GPC1: variants seen among roughly 807,000 people sequenced by gnomAD.
GPC1 encodes the protein glypican 1, also known as glypican-1.
A neutral mutation model predicts 51.5 loss-of-function variants in GPC1; 26 were observed. That is an observed-to-expected ratio of 0.50 (90% CI 0.37 to 0.70). The LOEUF is 0.70. GPC1 is among the 30% of genes least tolerant of loss of function. GPC1 has a pLI of 0.00. For synonymous variants in GPC1, 380 were observed against 348.3 expected (o/e 1.09, Z -1.01); for missense variants, 775 against 800.5 (o/e 0.97, Z 0.38).
chr2:240,437,017 T>A (rs2073988514), intron 1 of GPC1, among the ~76,000 whole-genome samples: 1 of 152,232 alleles, frequency 6.6e-6, no homozygotes, highest in Admixed American at 6.5e-5. Flanking sequence ...AAGCTTCACC[T>A]TTCCACGTGT....
At chr2:240,436,405 C>G (rs2151783878) in intron 1 of GPC1, among the ~76,000 whole-genome samples, 1 of 152,160 alleles carries the variant, frequency 6.6e-6, no homozygotes, top group African/African-American at 2.4e-5. Context: ...CCTCCCGGGC[C>G]ACGGCTGGAG....
chr2:240,446,851 G>A (rs1350342667), intron 1 of GPC1, among the ~76,000 whole-genome samples: 1 of 152,202 alleles, frequency 6.6e-6, no homozygotes, highest in East Asian at 1.9e-4. Flanking sequence ...GGACGGAGAG[G>A]GGACCAGGGT....
chr2:240,442,046 C>T (rs1386722631), intron 1 of GPC1, among the ~76,000 whole-genome samples: 1 of 152,176 alleles, frequency 6.6e-6, no homozygotes, highest in East Asian at 1.9e-4. Flanking sequence ...CACACCATCC[C>T]CTCTCCTGCC....
At chr2:240,436,854 G>C (rs1291962683) in intron 1 of GPC1, among the ~76,000 whole-genome samples, 1 of 152,270 alleles carries the variant, frequency 6.6e-6, no homozygotes, top group Non-Finnish European at 1.5e-5. Flanking sequence ...TCATTTCTTT[G>C]TAAGAACAGC....
chr2:240,441,648 G>A (rs1050885894), intron 1 of GPC1, among the ~76,000 whole-genome samples: 1 of 152,186 alleles, frequency 6.6e-6, no homozygotes, highest in Non-Finnish European at 1.5e-5. Context: ...GACAGGAGCC[G>A]CCTGCCCGGA....
At chr2:240,441,220 G>A (rs1405245113) in intron 1 of GPC1, among the ~76,000 whole-genome samples, 1 of 152,264 alleles carries the variant, frequency 6.6e-6, no homozygotes, top group African/African-American at 2.4e-5. Context: ...AGACCTCGGA[G>A]GAGAGCTTAG....
intron 1 of GPC1, among the ~76,000 whole-genome samples, chr2:240,439,958 GC>G (rs1429514912): frequency 6.6e-6 from 1 of 152,214 alleles, no homozygotes; most frequent in African/African-American, 2.4e-5. Flanking sequence ...CTGCTGGACC[GC>G]CAAGCCTCCC....
chr2:240,466,445 G>A lies in GPC1; in HGVS notation c.*155G>A. The A allele has an allele frequency of 1.7e-6, 1 of 590,624 alleles. No homozygotes were observed. The highest frequency in any genetic ancestry group is 3.0e-6 in the Non-Finnish European group (1 of 329,478). 36.6% of individuals were successfully genotyped at this position (590,624 alleles called of 1,614,324 possible). On this transcript the variant is annotated 3_prime_UTR_variant, in exon 9 of 9. Transcript: ENST00000264039. ...GGCAGGCGCAGAGGTCCCAGCCCCA[G>A]GCCTGGCCTCGCCTGCCTTTCTGCC...
At chr2:240,454,577 G>T (rs75749750) in intron 1 of GPC1, among the ~76,000 whole-genome samples, 1 of 152,234 alleles carries the variant, frequency 6.6e-6, no homozygotes, top group Non-Finnish European at 1.5e-5. Context: ...TTGCGTGTTG[G>T]GGGGCTGCGG....
chr2:240,457,914 C>G (rs13390118), intron 1 of GPC1: 58,394 of 382,482 alleles, frequency 0.15, 5,216 homozygotes, highest in Middle Eastern at 0.31. Flanking sequence ...ACAACGCCCC[C>G]CCTTGACCCC....
At chr2:240,442,020 A>G (rs2074020395) in intron 1 of GPC1, among the ~76,000 whole-genome samples, 1 of 152,106 alleles carries the variant, frequency 6.6e-6, no homozygotes, top group Non-Finnish European at 1.5e-5. Flanking sequence ...AGCCCCTGAG[A>G]GGGCCAGGCC....
At chr2:240,437,110 C>T (rs568441851) in intron 1 of GPC1, among the ~76,000 whole-genome samples, 2 of 152,338 alleles carry the variant, frequency 1.3e-5, no homozygotes, top group South Asian at 2.1e-4. Context: ...CTGGGGGGCT[C>T]CTCTGAAACC....
chr2:240,466,675 C>T lies in GPC1; in HGVS notation c.*385C>T. ...CAGCGAGCCTGTGCCTTCCTCCCCG[C>T]CTCCTCCCACTGGGACTCCCAGCAG... is the stretch of plus-strand genomic sequence containing the variant. On this transcript the variant is annotated 3_prime_UTR_variant, in exon 9 of 9. Coordinates refer to ENST00000264039, the MANE Select transcript of GPC1 (RefSeq NM_002081.3). The T allele has an allele frequency of 5.2e-6, 1 of 193,060 alleles. No individual in the cohort carries two copies. Among genetic ancestry groups the T allele is most frequent in the Non-Finnish European group, 1.0e-5 (1 of 95,630 alleles). The allele number at this position is 193,060 out of a possible 1,614,324, so 12.0% of individuals were successfully genotyped here. A position where few individuals can be genotyped will look rare whatever the true frequency, so the allele number is the denominator to read the frequency against.
intron 1 of GPC1, among the ~76,000 whole-genome samples, chr2:240,455,752 G>C (rs1351473310): frequency 6.6e-6 from 1 of 152,200 alleles, no homozygotes; most frequent in Admixed American, 6.5e-5. Context: ...TCCAGGAGGG[G>C]GCTTGCTTTG....
At chr2:240,461,505 C>T (rs2074215739) in intron 2 of GPC1, among the ~76,000 whole-genome samples, 1 of 152,150 alleles carries the variant, frequency 6.6e-6, no homozygotes, top group Non-Finnish European at 1.5e-5. Flanking sequence ...CCTAAAGCCC[C>T]TGCAGCACAT....
chr2:240,452,940 C>A, intron 1 of GPC1: 1 of 321,114 alleles, frequency 3.1e-6, no homozygotes, highest in South Asian at 2.2e-5. Flanking sequence ...CCCGGCCCCG[C>A]TCCGCCGCCT....
chr2:240,464,172 C>T, intron 4 of GPC1: 1 of 227,312 alleles, frequency 4.4e-6, no homozygotes, highest in Non-Finnish European at 8.9e-6. Flanking sequence ...CATGTGCTCA[C>T]CGTGCACGCA....
chr2:240,450,711 G>T, intron 1 of GPC1: 1 of 468,712 alleles, frequency 2.1e-6, no homozygotes, highest in South Asian at 1.6e-5. Context: ...GGCCATGCTG[G>T]CAGTGGGTCG....
intron 1 of GPC1, chr2:240,450,212 G>A (rs2074084959): frequency 3.1e-6 from 1 of 323,164 alleles, no homozygotes; most frequent in Admixed American, 4.4e-5. Flanking sequence ...TGCTGGGCAG[G>A]CAGGCAGAGG....
Sources: allele counts gnomAD v4.1 joint callset (sites outside exome capture counted in the v4.1 genomes callset), GRCh38; gene constraint gnomAD v4.1.1; transcripts MANE v1.5; gene names NCBI Gene and HGNC (gene_info 2026-07-23, HGNC 2026-07-21).